IQCM: variants seen among roughly 807,000 people sequenced by gnomAD.
The protein encoded by IQCM is IQ motif containing M, also known as IQ domain-containing protein M.
IQCM carries 45 observed loss-of-function variants against 57.6 expected under a neutral mutation model. The ratio of observed to expected loss-of-function variants is 0.78; its 90% CI spans 0.62 to 1.00. IQCM has a LOEUF of 1.00. Ranked by LOEUF, IQCM falls within the 50% of genes least tolerant of loss-of-function variation. The pLI is 0.00. For missense variants in IQCM, 468 were observed against 511.6 expected (o/e 0.91, Z 0.82); for synonymous variants, 148 against 158.9 (o/e 0.93, Z 0.51).
chr4:149,553,407 G>A (rs1227611004), intron 10 of IQCM, 120 bp from the exon 11 acceptor site: 1 of 760,514 alleles, frequency 1.3e-6, no homozygotes, highest in Non-Finnish European at 1.8e-6. Context: ...ATTGTTTATT[G>A]CCTAGGTTGG....
intron 2 of IQCM, among the ~76,000 whole-genome samples, chr4:149,767,334 G>GATA (rs1770156532): frequency 6.6e-6 from 1 of 151,952 alleles, no homozygotes. Flanking sequence ...GAGAAAACTT[G>GATA]ATACACACAA....
chr4:149,770,279 G>T (rs774657509), intron 2 of IQCM, among the ~76,000 whole-genome samples: 1 of 152,032 alleles, frequency 6.6e-6, no homozygotes, highest in South Asian at 2.1e-4. Context: ...CAGATAACCT[G>T]CTTATTTTTA....
chr4:149,713,211 A>G (rs1764708935), intron 5 of IQCM, among the ~76,000 whole-genome samples: 2 of 152,024 alleles, frequency 1.3e-5, no homozygotes, highest in East Asian at 1.9e-4. Flanking sequence ...ACAACGCTGG[A>G]CCCCCTACCA....
intron 2 of IQCM, among the ~76,000 whole-genome samples, chr4:149,774,635 T>TTG (rs1770905490): frequency 6.6e-6 from 1 of 152,046 alleles, no homozygotes; most frequent in Admixed American, 6.5e-5. Flanking sequence ...CATATATACC[T>TTG]GGCTGGAGTC....
intron 8 of IQCM, among the ~76,000 whole-genome samples, chr4:149,595,735 T>C (rs1753714495): frequency 6.6e-6 from 1 of 152,122 alleles, no homozygotes; most frequent in South Asian, 2.1e-4. Context: ...TCTCTTTACA[T>C]TCTTGAATTT....
intron 8 of IQCM, among the ~76,000 whole-genome samples, chr4:149,619,733 A>G (rs1561068021): frequency 6.6e-6 from 1 of 152,210 alleles, no homozygotes; most frequent in Non-Finnish European, 1.5e-5. Context: ...TGAAATTCAT[A>G]TGTAGAAGTT....
intron 2 of IQCM, among the ~76,000 whole-genome samples, chr4:149,779,382 C>T (rs970929367): frequency 6.6e-6 from 1 of 152,128 alleles, no homozygotes; most frequent in Non-Finnish European, 1.5e-5. Context: ...TCTATAGCTA[C>T]AGTGACTAAG....
At chr4:149,432,067 T>A (rs1734922705) in intron 13 of IQCM, among the ~76,000 whole-genome samples, 1 of 151,622 alleles carries the variant, frequency 6.6e-6, no homozygotes, top group South Asian at 2.1e-4. Flanking sequence ...TTATTTTGGG[T>A]AATTACCTAG....
intron 8 of IQCM, among the ~76,000 whole-genome samples, 174 bp from the exon 9 acceptor site, chr4:149,588,171 G>A (rs1446831433): frequency 2.0e-5 from 3 of 151,608 alleles, no homozygotes; most frequent in Non-Finnish European, 4.4e-5. Flanking sequence ...TATGACTGTT[G>A]AACCTCCTTC....
At chr4:149,532,281 G>A (rs1746828006) in intron 12 of IQCM, among the ~76,000 whole-genome samples, 1 of 152,102 alleles carries the variant, frequency 6.6e-6, no homozygotes, top group Non-Finnish European at 1.5e-5. Context: ...AGGCAATGCT[G>A]GTATGATGCC....
At chr4:149,543,558 A>G (rs1186543376) in intron 12 of IQCM, among the ~76,000 whole-genome samples, 1 of 122,336 alleles carries the variant, frequency 8.2e-6, no homozygotes, top group Non-Finnish European at 1.6e-5. Flanking sequence ...TTATGGCTGC[A>G]TAGTATTCCA....
intron 5 of IQCM, among the ~76,000 whole-genome samples, chr4:149,726,908 T>A (rs1765998250): frequency 6.6e-6 from 1 of 151,922 alleles, no homozygotes; most frequent in South Asian, 2.1e-4. Flanking sequence ...GTGCCTGCCA[T>A]CAAGCCTGGC....
intron 7 of IQCM, among the ~76,000 whole-genome samples, chr4:149,653,207 C>G (rs762368648): frequency 1.1e-3 from 174 of 152,184 alleles, no homozygotes; most frequent in Non-Finnish European, 2.1e-3. Flanking sequence ...GGTCAAGAGT[C>G]TTCCCTGGGA....
At chr4:149,398,721 T>C (rs1179575199) in intron 13 of IQCM, among the ~76,000 whole-genome samples, 1 of 151,700 alleles carries the variant, frequency 6.6e-6, no homozygotes, top group Admixed American at 6.6e-5. Context: ...TTATTATTTT[T>C]TTTGAGACAG....
At chr4:149,707,906 A>C (rs1764276503) in intron 5 of IQCM, among the ~76,000 whole-genome samples, 1 of 151,986 alleles carries the variant, frequency 6.6e-6, no homozygotes, top group South Asian at 2.1e-4. Context: ...TATGTATTTC[A>C]TTATCTTTTC....
chr4:149,583,664 G>C (rs1234316613), intron 9 of IQCM, among the ~76,000 whole-genome samples: 1 of 151,460 alleles, frequency 6.6e-6, no homozygotes, highest in Non-Finnish European at 1.5e-5. Flanking sequence ...TATGGTTAGA[G>C]GTACTAAACA....
intron 5 of IQCM, among the ~76,000 whole-genome samples, chr4:149,708,285 C>T (rs1764305739): frequency 6.6e-6 from 1 of 151,948 alleles, no homozygotes; most frequent in African/African-American, 2.4e-5. Context: ...GGAAACTTTA[C>T]AAGTTATACT....
chr4:149,368,853 CATGTATATATAT>C (rs1730077941), intron 13 of IQCM, among the ~76,000 whole-genome samples: 2 of 57,804 alleles, frequency 3.5e-5, no homozygotes, highest in East Asian at 5.9e-4. Flanking sequence ...CATATATATA[CATGTATATATAT>C]ACATATATAC....
At chr4:149,756,362 ATG>A (rs1268569133) in intron 2 of IQCM, among the ~76,000 whole-genome samples, 3 of 152,316 alleles carry the variant, frequency 2.0e-5, no homozygotes, top group African/African-American at 7.2e-5. Flanking sequence ...ACAGAAGACA[ATG>A]TTTTAAAACA....
Sources: gnomAD v4.1 joint callset for allele counts (sites outside exome capture counted in the v4.1 genomes callset) on GRCh38, gnomAD v4.1.1 for gene constraint, MANE v1.5 for transcripts, NCBI Gene and HGNC (gene_info 2026-07-23, HGNC 2026-07-21) for gene names.